The following GTPBP3 variants were observed in gnomAD, a reference collection of about 807,000 sequenced individuals.
GTPBP3 encodes GTP binding protein 3, mitochondrial.
Under a neutral mutation model 42.0 loss-of-function variants are expected in GTPBP3, and 35 were observed. That is an observed-to-expected ratio of 0.83 (90% CI 0.64 to 1.10). GTPBP3 has a LOEUF of 1.10. Among genes scored for constraint, GTPBP3 ranks in the 50% least tolerant of loss-of-function variants. The pLI is 0.00. For missense variants in GTPBP3, 691 were observed against 685.2 expected, an observed-to-expected ratio of 1.01 and a Z score of -0.09; for synonymous variants, 332 against 314.9, an observed-to-expected ratio of 1.05 and a Z score of -0.58.
In GTPBP3 at chr19:17,338,697, G is replaced by C. The variant is rs757119364; in HGVS notation, c.547G>C (p.Glu183Gln). ...RRQALRQLDG[E>Q]LGHLCRGWAE... The stretch of plus-strand genomic sequence containing the variant: ...GCAGGCCCTCAGGCAGCTGGACGGA[G>C]AGCTGGGCCACCTCTGCCGTGGCTG... The change falls in exon 4 of 9, where the codon GAG becomes CAG. Residue 183 changes from glutamate (E) to glutamine (Q), a missense_variant. Glu to Gln is a conservative substitution (Grantham distance 29, BLOSUM62 2). Coordinates refer to ENST00000324894, the MANE Select transcript of GTPBP3 (RefSeq NM_032620.4). The C allele has an allele frequency of 1.5e-4, 235 of 1,613,272 alleles. No homozygotes were observed. The highest frequency in any genetic ancestry group is 1.9e-4 in the Non-Finnish European group (228 of 1,179,614).
At chr19:17,338,829 C>T in intron 4 of GTPBP3, 88 bp downstream of exon 4, 1 of 1,532,376 alleles carries the variant, frequency 6.5e-7, no homozygotes, top group South Asian at 1.3e-5. Flanking sequence ...CGCATTCATT[C>T]CCTGCGTGAA....
In GTPBP3 at chr19:17,338,692, A is replaced by G. The variant is rs1256313545; in HGVS notation, c.542A>G (p.Asp181Gly). Residue 181 changes from aspartate to glycine, a missense_variant, in exon 4 of 9, where the codon GAC becomes GGC. Asp to Gly is a moderately conservative substitution (Grantham distance 94). Transcript: ENST00000324894. ...AQRRQALRQL[D>G]GELGHLCRGW... ...CGGCGGCAGGCCCTCAGGCAGCTGG[A>G]CGGAGAGCTGGGCCACCTCTGCCGT... 1.6e-5 allele frequency: 26 copies of G among 1,613,416 alleles called. No individual in the cohort carries two copies. The highest frequency in any genetic ancestry group is 2.1e-5 in the Non-Finnish European group (25 of 1,179,758).
At chr19:17,335,052 G>A (rs1489519610), upstream of GTPBP3, 10 of 1,536,028 alleles carry the variant, frequency 6.5e-6, no homozygotes, top group Non-Finnish European at 8.7e-6. Context: ...TCTGGTCCCC[G>A]CCTCGGAGCC....
At chr19:17,335,159 C>A, upstream of GTPBP3, 2 of 1,533,340 alleles carry the variant, frequency 1.3e-6, no homozygotes, top group Non-Finnish European at 1.7e-6. Flanking sequence ...AGGGGCGGGC[C>A]GGTTGGGGAA....
At position 17,338,073 on chromosome 19, in the gene GTPBP3, G is replaced by T. The variant is rs1194121357; in HGVS notation, c.119G>T (p.Ser40Ile). The part of the protein sequence containing the change: ...PGSGATIFAL[S>I]SGQGRCGIAV... ...TCCGGCGCCACCATCTTCGCGCTAA[G>T]CTCTGGCCAAGGCCGCTGCGGCATC... is the stretch of plus-strand genomic sequence containing the variant. Residue 40 changes from serine to isoleucine, a missense_variant, in exon 2 of 9, where the codon AGC (serine) becomes ATC (isoleucine). Transcript: ENST00000324894. 1 of 1,597,888 alleles carries T rather than the reference G, an allele frequency of 6.3e-7. No homozygotes were observed. Among genetic ancestry groups the T allele is most frequent in the Non-Finnish European group, 8.5e-7 (1 of 1,179,484 alleles).
upstream of GTPBP3, among the ~76,000 whole-genome samples, chr19:17,336,203 T>C (rs1468739361): frequency 8.7e-6 from 1 of 114,292 alleles, no homozygotes; most frequent in Admixed American, 1.4e-4. Context: ...GCCACTGAAC[T>C]CCAGCCTGGG....
upstream of GTPBP3, among the ~76,000 whole-genome samples, chr19:17,335,986 G>A (rs558845547): frequency 1.6e-4 from 24 of 152,244 alleles, no homozygotes; most frequent in East Asian, 4.2e-3. Flanking sequence ...TGTAATCCCA[G>A]CATTTTGGGA....
intron 4 of GTPBP3, 66 bp downstream of exon 4, chr19:17,338,807 C>A: frequency 6.5e-7 from 1 of 1,539,638 alleles, no homozygotes. Flanking sequence ...GCATGAGACC[C>A]CCTCTCAATC....
In GTPBP3 at chr19:17,339,580, G is replaced by C; in HGVS notation, c.955G>C (p.Val319Leu). Reference sequence around the variant, plus strand: ...CGTGGGGCCCGTGGAGCAGGAGGGCGTGCGGCGCGCCCGGGAGAGGTGGGC... The same window carrying C: ...CGTGGGGCCCGTGGAGCAGGAGGGCCTGCGGCGCGCCCGGGAGAGGTGGGC... ...EGVGPVEQEG[V>L]RRARERLEQA... The change falls in exon 7 of 9, where the codon GTG (valine) becomes CTG (leucine). Residue 319 changes from valine (V) to leucine (L), a missense_variant. Physicochemically the swap from Val to Leu is conservative, Grantham distance 32. Coordinates refer to ENST00000324894, the MANE Select transcript of GTPBP3 (RefSeq NM_032620.4). 6.2e-7 allele frequency: 1 copy of C among 1,608,868 alleles called. No individual in the cohort carries two copies. Among genetic ancestry groups the C allele is most frequent in the Non-Finnish European group, 8.5e-7 (1 of 1,179,026 alleles).
rs372048642 is a variant in GTPBP3 at position 17,341,471 on chromosome 19, C to T, written c.1254-7C>T. The T allele has an allele frequency of 1.4e-4, 221 of 1,605,600 alleles. 2 individuals carry two copies. The African/African-American group carries it at 2.2e-3, about 16-fold the overall frequency. ...TCGGGAGAGACCATGTCTCTTGTCT[C>T]TTCCAGGTGTGGGGACCCGTCCACA... On this transcript the variant is annotated splice_region_variant and splice_polypyrimidine_tract_variant and intron_variant, in intron 8 of 8. Coordinates refer to ENST00000324894, the MANE Select transcript of GTPBP3 (RefSeq NM_032620.4).
upstream of GTPBP3, chr19:17,337,298 TG>T (rs1211707666): frequency 3.1e-6 from 1 of 319,066 alleles, no homozygotes; most frequent in African/African-American, 2.1e-5. Flanking sequence ...TGCCAAACTC[TG>T]TCCTTTCTTC....
chr19:17,337,694 C>T, intron 1 of GTPBP3, 30 bp downstream of exon 1: 2 of 1,378,878 alleles, frequency 1.5e-6, no homozygotes, highest in African/African-American at 1.5e-5. Context: ...GGTGCGACAG[C>T]TTGGGGTGCT....
chr19:17,339,101 G>C (rs1367258474), intron 5 of GTPBP3, 22 bp from the exon 6 acceptor site: 23 of 1,614,008 alleles, frequency 1.4e-5, no homozygotes, highest in Non-Finnish European at 1.9e-5. Flanking sequence ...GTCTCTCTCT[G>C]CCTGCCTTCT....
chr19:17,338,496 C>T, intron 3 of GTPBP3, 43 bp from the exon 4 acceptor site: 2 of 1,613,116 alleles, frequency 1.2e-6, no homozygotes, highest in African/African-American at 1.3e-5. Flanking sequence ...CCCAATGGGC[C>T]TGGGTGGGGA....
At chr19:17,340,736 T>TCCTGC (rs2074421266) in intron 7 of GTPBP3, among the ~76,000 whole-genome samples, 1 of 29,688 alleles carries the variant, frequency 3.4e-5, no homozygotes, top group Non-Finnish European at 6.5e-5. Flanking sequence ...GCCCCGCCCC[T>TCCTGC]CCTGCCCTGC....
Position 17,338,528 on chromosome 19 carries a change from C to T in GTPBP3, c.389-11C>T, listed in dbSNP as rs1184765347. On this transcript the variant is annotated splice_polypyrimidine_tract_variant and intron_variant, in intron 3 of 8. Coordinates refer to ENST00000324894, the MANE Select transcript of GTPBP3 (RefSeq NM_032620.4). ...GGGACCAGGGGGTGTCAGACTGGGA[C>T]CTTCCTGCAGGCAGCGTGCCAGGGC... 1.2e-6 allele frequency: 2 copies of T among 1,612,850 alleles called. No homozygotes were observed. The highest frequency in any genetic ancestry group is 1.7e-5 in the Admixed American group (1 of 59,862).
rs369765995 is a variant in GTPBP3, at chr19:17,341,577, A to G, written c.1353A>G (p.Ser451=). The G allele has an allele frequency of 7.3e-5, 118 of 1,613,806 alleles. No homozygotes were observed. Among genetic ancestry groups the G allele is most frequent in the Non-Finnish European group, 9.3e-5 (110 of 1,179,990 alleles). ...ATGCCCTCGGCCACTACAAGCAGTCAAAAGACCTGGCCCTGGCGGCAGAGG... is the reference window on the plus strand; with the variant it reads ...ATGCCCTCGGCCACTACAAGCAGTCGAAAGACCTGGCCCTGGCGGCAGAGG... ...CLDALGHYKQ[S]KDLALAAEAL... is the part of the protein sequence containing the mutation. Residue 451 remains serine, a synonymous_variant, in exon 9 of 9, where the codon TCA becomes TCG. Transcript: ENST00000324894.
chr19:17,341,620 G>A lies in GTPBP3; in HGVS notation c.1396G>A (p.Gly466Ser). 6.2e-7 allele frequency: 1 copy of A among 1,613,742 alleles called. No individual in the cohort carries two copies. Among genetic ancestry groups the A allele is most frequent in the Admixed American group, 1.7e-5 (1 of 60,008 alleles). The change falls in exon 9 of 9, where the codon GGT becomes AGT. Residue 466 changes from glycine (G) to serine (S), a missense_variant. Transcript: ENST00000324894. ...GGCAGAGGCGCTGCGGGTGGCCCGGGGTCACCTGACCCGGCTCACAGGTGG... is the reference window on the plus strand; with the variant it reads ...GGCAGAGGCGCTGCGGGTGGCCCGGAGTCACCTGACCCGGCTCACAGGTGG... ...LAAEALRVAR[G>S]HLTRLTGGGG...
At chr19:17,338,783 T>G (rs1341633300) in intron 4 of GTPBP3, 42 bp downstream of exon 4, 1 of 1,575,940 alleles carries the variant, frequency 6.3e-7, no homozygotes, top group Admixed American at 1.7e-5. Context: ...AGAGACCCCA[T>G]CTGTGCAACC....
Sources: allele counts gnomAD v4.1 joint callset (sites outside exome capture counted in the v4.1 genomes callset), GRCh38; gene constraint gnomAD v4.1.1; transcripts MANE v1.5; gene names NCBI Gene and HGNC (gene_info 2026-07-23, HGNC 2026-07-21).